The following HHAT variants were observed in gnomAD, a reference collection of about 807,000 sequenced individuals.
HHAT encodes the protein hedgehog acyltransferase.
HHAT carries 47 observed loss-of-function variants against 70.8 expected under a neutral mutation model. The observed-to-expected ratio is 0.66, with a 90% CI of 0.53 to 0.85. HHAT has a LOEUF of 0.85. Ranked by LOEUF, HHAT falls within the 40% of genes least tolerant of loss-of-function variation. The probability of loss-of-function intolerance (pLI) is 0.00; values close to 1 mark genes in which losing one functional copy is unlikely to be tolerated. For synonymous variants in HHAT, 228 were observed against 247.6 expected (o/e 0.92, Z 0.74); for missense variants, 609 against 604.8 (o/e 1.01, Z -0.07).
intron 8 of HHAT, among the ~76,000 whole-genome samples, chr1:210,484,044 A>G (rs2094438189): frequency 6.6e-6 from 1 of 152,208 alleles, no homozygotes; most frequent in Non-Finnish European, 1.5e-5. Flanking sequence ...TGCAAGCCTC[A>G]ACATGGGCTA....
intron 11 of HHAT, among the ~76,000 whole-genome samples, chr1:210,652,714 G>A (rs1431395751): frequency 6.6e-6 from 1 of 152,182 alleles, no homozygotes; most frequent in African/African-American, 2.4e-5. Flanking sequence ...AATGGGGAAA[G>A]GGTACAGAGA....
intron 7 of HHAT, among the ~76,000 whole-genome samples, chr1:210,420,986 TTGGCGAAACCAATTTA>T (rs2092884982): frequency 6.6e-6 from 1 of 152,198 alleles, no homozygotes; most frequent in Non-Finnish European, 1.5e-5. Flanking sequence ...ATTTTTTAAT[TTGGCGAAACCAATTTA>T]TGCTCTTCTC....
In HHAT at chr1:210,551,595, C is replaced by A. The variant is rs11810000; in HGVS notation, c.1044-36303C>A. Among the ~76,000 whole-genome samples, 1,143 of 152,254 alleles carry A rather than the reference C, an allele frequency of 7.5e-3. 10 individuals are homozygous for A. Among genetic ancestry groups the A allele is most frequent in the African/African-American group, 0.023 (965 of 41,536 alleles). On this transcript the variant is annotated intron_variant, in intron 9 of 11. Coordinates refer to ENST00000261458, the MANE Select transcript of HHAT (RefSeq NM_018194.6). ...TTATCATCACAAGGAACTACTTAAT[C>A]AAAATGACAGGAATCTTCTCAGTTA...
chr1:210,654,473 C>T (rs934944343), intron 11 of HHAT, among the ~76,000 whole-genome samples: 4 of 152,182 alleles, frequency 2.6e-5, no homozygotes, highest in African/African-American at 9.7e-5. Context: ...ACAGAAAAGG[C>T]ATAATAAATG....
At chr1:210,673,268 A>G (rs1416714140) in intron 11 of HHAT, among the ~76,000 whole-genome samples, 1 of 152,102 alleles carries the variant, frequency 6.6e-6, no homozygotes, top group African/African-American at 2.4e-5. Context: ...CAAGAAGGAC[A>G]GAGGACCCTA....
At chr1:210,513,591 C>T (rs2094999296) in intron 9 of HHAT, among the ~76,000 whole-genome samples, 1 of 152,118 alleles carries the variant, frequency 6.6e-6, no homozygotes, top group Non-Finnish European at 1.5e-5. Context: ...AAGATACAAC[C>T]TTGTTCATAA....
At chr1:210,632,058 C>A (rs1206398581) in intron 11 of HHAT, among the ~76,000 whole-genome samples, 1 of 152,312 alleles carries the variant, frequency 6.6e-6, no homozygotes, top group East Asian at 1.9e-4. Flanking sequence ...ACTAACCTAA[C>A]TCTCCCAGCT....
At chr1:210,502,030 T>C (rs1252986251) in intron 8 of HHAT, among the ~76,000 whole-genome samples, 25 of 151,992 alleles carry the variant, frequency 1.6e-4, no homozygotes, top group Admixed American at 1.6e-3. Flanking sequence ...TCTTCTTTTT[T>C]TTTTTTTTTA....
intron 3 of HHAT, chr1:210,374,256 A>AT (rs1454062798): frequency 2.3e-5 from 3 of 130,130 alleles, no homozygotes; most frequent in South Asian, 2.3e-4. Context: ...CGATCTGAAG[A>AT]GAAACCAGTG....
chr1:210,453,044 C>T (rs2093786893), intron 7 of HHAT, among the ~76,000 whole-genome samples: 1 of 152,244 alleles, frequency 6.6e-6, no homozygotes, highest in African/African-American at 2.4e-5. Flanking sequence ...AACGCCTGTG[C>T]ACCTATCTAA....
rs1428811028 is a variant in HHAT at position 210,418,061 on chromosome 1, T to TA, written c.685-91dup. ...AACCCTCTGTCAGCTGGCATAGCAA[T>TA]AATATTTGTGGGAAGTTTATGAAAA... On this transcript the variant is annotated intron_variant, in intron 6 of 11. Coordinates refer to ENST00000261458, the MANE Select transcript of HHAT (RefSeq NM_018194.6). 4.1e-6 allele frequency: 5 copies of TA among 1,208,934 alleles called. No homozygotes were observed. The African/African-American group carries it at 7.5e-5, about 18-fold the overall frequency. The allele number at this position is 1,208,934 out of a possible 1,614,324, so 74.9% of individuals were successfully genotyped here.
chr1:210,400,137 A>G (rs537285198), intron 4 of HHAT, among the ~76,000 whole-genome samples: 58 of 151,932 alleles, frequency 3.8e-4, no homozygotes, highest in Non-Finnish European at 7.5e-4. Context: ...TCTGGCTTCC[A>G]TTGTGTCTGT....
At chr1:210,340,246 A>G (rs1345763835) in intron 1 of HHAT, among the ~76,000 whole-genome samples, 2,868 of 80,332 alleles carry the variant, frequency 0.036, 166 homozygotes, top group African/African-American at 0.19. Context: ...GTCTCAGAAA[A>G]AAAAAAAAAA....
rs773578380 is a variant in HHAT at position 210,674,630 on chromosome 1, G to GT, written c.*252dup. On this transcript the variant is annotated 3_prime_UTR_variant, in exon 12 of 12. Coordinates refer to ENST00000261458, the MANE Select transcript of HHAT (RefSeq NM_018194.6). ...GAGGAAACGGGTCCAGGGCAGTCGT[G>GT]TGTCTTACCCAGCTACACAGGGTGA... The GT allele has an allele frequency of 1.5e-5, 7 of 466,366 alleles. No individual in the cohort carries two copies. Among genetic ancestry groups the GT allele is most frequent in the Non-Finnish European group, 2.7e-5 (7 of 261,196 alleles). 28.9% of individuals were successfully genotyped at this position (466,366 alleles called of 1,614,324 possible). A position where few individuals can be genotyped will look rare whatever the true frequency, so the allele number is the denominator to read the frequency against.
intron 6 of HHAT, among the ~76,000 whole-genome samples, chr1:210,405,901 A>G (rs948888803): frequency 1.3e-5 from 2 of 152,182 alleles, no homozygotes; most frequent in Non-Finnish European, 2.9e-5. Flanking sequence ...ATTATTGTGT[A>G]AAAGAGATGG....
At chr1:210,378,661 TTA>T (rs2090409008) in intron 3 of HHAT, among the ~76,000 whole-genome samples, 1 of 152,096 alleles carries the variant, frequency 6.6e-6, no homozygotes, top group Admixed American at 6.5e-5. Context: ...CCTGAAACAT[TTA>T]TCTTTTTTTT....
chr1:210,415,815 C>T (rs1315401259), intron 6 of HHAT, among the ~76,000 whole-genome samples: 1 of 152,006 alleles, frequency 6.6e-6, no homozygotes, highest in African/African-American at 2.4e-5. Flanking sequence ...TCTGCCACCA[C>T]ATTCAGCTAA....
intron 4 of HHAT, among the ~76,000 whole-genome samples, chr1:210,394,954 T>C (rs1004927561): frequency 6.6e-6 from 1 of 152,084 alleles, no homozygotes; most frequent in Admixed American, 6.5e-5. Flanking sequence ...GACTGTGGGA[T>C]GGGTGGGTTG....
At chr1:210,562,233 T>TCATA (rs138093691) in intron 9 of HHAT, among the ~76,000 whole-genome samples, 9,010 of 152,036 alleles carry the variant, frequency 0.059, 836 homozygotes, top group African/African-American at 0.2. Context: ...GCAGCACAAA[T>TCATA]CAAGCACTAA....
Sources: gnomAD v4.1 joint callset for allele counts (sites outside exome capture counted in the v4.1 genomes callset) on GRCh38, gnomAD v4.1.1 for gene constraint, MANE v1.5 for transcripts, NCBI Gene and HGNC (gene_info 2026-07-23, HGNC 2026-07-21) for gene names.